GALNT17: variants seen among roughly 807,000 people sequenced by gnomAD.
GALNT17 encodes the protein polypeptide N-acetylgalactosaminyltransferase 17.
GALNT17 carries 29 observed loss-of-function variants against 63.7 expected under a neutral mutation model. The ratio of observed to expected loss-of-function variants is 0.46; its 90% CI spans 0.34 to 0.62. GALNT17 has a LOEUF of 0.62. Among genes scored for constraint, GALNT17 ranks in the 20% least tolerant of loss-of-function variants. The pLI is 0.01. For missense variants in GALNT17, 603 were observed against 799.6 expected (o/e 0.75, Z 2.97); for synonymous variants, 305 against 318.3 (o/e 0.96, Z 0.45).
chr7:71,348,686 G>T (rs1356325295), intron 2 of GALNT17, among the ~76,000 whole-genome samples: 1 of 152,216 alleles, frequency 6.6e-6, no homozygotes, highest in South Asian at 2.1e-4. Context: ...GAGATTTACA[G>T]TACTGGCTGT....
chr7:71,358,178 G>A (rs890236797), intron 2 of GALNT17, among the ~76,000 whole-genome samples: 1 of 152,120 alleles, frequency 6.6e-6, no homozygotes, highest in Non-Finnish European at 1.5e-5. Flanking sequence ...TGAAGTCAGC[G>A]AGACCACGAG....
At chr7:71,253,669 CAAAT>C (rs1399096901) in intron 1 of GALNT17, among the ~76,000 whole-genome samples, 3 of 152,074 alleles carry the variant, frequency 2.0e-5, no homozygotes, top group Non-Finnish European at 2.9e-5. Context: ...AAACCTTGGC[CAAAT>C]AAATCTCTAA....
chr7:71,499,795 A>T (rs1216217908), intron 5 of GALNT17, among the ~76,000 whole-genome samples: 1 of 152,142 alleles, frequency 6.6e-6, no homozygotes, highest in Non-Finnish European at 1.5e-5. Context: ...TCCCCCCACA[A>T]ATCTCATCTT....
chr7:71,160,578 C>T (rs1788323774), intron 1 of GALNT17, among the ~76,000 whole-genome samples: 1 of 152,150 alleles, frequency 6.6e-6, no homozygotes, highest in Non-Finnish European at 1.5e-5. Context: ...CCTGCCTCAG[C>T]CTCCCAAGTA....
intron 6 of GALNT17, among the ~76,000 whole-genome samples, chr7:71,606,760 G>A (rs1407755299): frequency 1.3e-5 from 2 of 152,130 alleles, no homozygotes; most frequent in African/African-American, 2.4e-5. Flanking sequence ...CATATGTGCT[G>A]GCAGGTATTC....
intron 5 of GALNT17, among the ~76,000 whole-genome samples, chr7:71,549,157 G>A (rs555053023): frequency 9.2e-5 from 14 of 152,246 alleles, no homozygotes; most frequent in African/African-American, 2.6e-4. Flanking sequence ...GAGCAGAGTC[G>A]CCAGTCTTTC....
At chr7:71,465,412 C>T (rs1477809880) in intron 5 of GALNT17, among the ~76,000 whole-genome samples, 1 of 152,182 alleles carries the variant, frequency 6.6e-6, no homozygotes, top group Non-Finnish European at 1.5e-5. Context: ...CTAAGCTCCC[C>T]TCCACTGTTA....
At chr7:71,666,554 C>G (rs1016813966) in intron 7 of GALNT17, among the ~76,000 whole-genome samples, 1 of 151,794 alleles carries the variant, frequency 6.6e-6, no homozygotes, top group Non-Finnish European at 1.5e-5. Context: ...CCCTCGCCCC[C>G]CTCCCACTCT....
intron 1 of GALNT17, among the ~76,000 whole-genome samples, chr7:71,317,895 A>T (rs1160752483): frequency 1.3e-5 from 2 of 151,998 alleles, no homozygotes; most frequent in Non-Finnish European, 2.9e-5. Flanking sequence ...GTGATGCTGT[A>T]GTGCTTTGAG....
intron 2 of GALNT17, among the ~76,000 whole-genome samples, chr7:71,384,856 A>G (rs988232655): frequency 4.6e-5 from 7 of 152,122 alleles, no homozygotes; most frequent in Non-Finnish European, 8.8e-5. Flanking sequence ...AGTGAGATCT[A>G]TCCATTCAGA....
At position 71,687,557 on chromosome 7, in the gene GALNT17, A is replaced by G. The variant is rs146327251; in HGVS notation, c.1500+10251A>G. On this transcript the variant is annotated intron_variant, in intron 9 of 10. Coordinates refer to ENST00000333538, the MANE Select transcript of GALNT17 (RefSeq NM_022479.3). ...AAAAGATGGCTTTGGTCCAGAAAACAGGCCTGAGGTTCTGGGAATATGCCT... is the reference window on the plus strand; with the variant it reads ...AAAAGATGGCTTTGGTCCAGAAAACGGGCCTGAGGTTCTGGGAATATGCCT... Among the ~76,000 whole-genome samples, 1,093 of 152,286 alleles carry G rather than the reference A, an allele frequency of 7.2e-3. 10 individuals carry two copies. The highest frequency in any genetic ancestry group is 0.025 in the African/African-American group (1,019 of 41,572).
At chr7:71,657,070 C>T (rs1790839718) in intron 6 of GALNT17, among the ~76,000 whole-genome samples, 1 of 152,146 alleles carries the variant, frequency 6.6e-6, no homozygotes, top group Admixed American at 6.5e-5. Context: ...ATGATCCTTC[C>T]TGCTGCTTTT....
At chr7:71,338,137 C>G (rs1390941481) in intron 2 of GALNT17, among the ~76,000 whole-genome samples, 1 of 151,600 alleles carries the variant, frequency 6.6e-6, no homozygotes, top group Non-Finnish European at 1.5e-5. Context: ...ACCATTCTGG[C>G]TAAGATGGTA....
chr7:71,692,488 C>T (rs2117096408), intron 9 of GALNT17, among the ~76,000 whole-genome samples: 1 of 152,220 alleles, frequency 6.6e-6, no homozygotes, highest in East Asian at 1.9e-4. Context: ...TTACTCTTTA[C>T]TCTTTAGCTA....
At chr7:71,198,424 G>A (rs1789098656) in intron 1 of GALNT17, among the ~76,000 whole-genome samples, 1 of 152,118 alleles carries the variant, frequency 6.6e-6, no homozygotes, top group South Asian at 2.1e-4. Context: ...ATTGAGTTAT[G>A]TTCCATGCTC....
chr7:71,164,315 C>T (rs775475968), intron 1 of GALNT17, among the ~76,000 whole-genome samples: 5 of 152,112 alleles, frequency 3.3e-5, no homozygotes, highest in African/African-American at 1.2e-4. Flanking sequence ...AAGCAAGGCA[C>T]GTCTTACATG....
intron 6 of GALNT17, among the ~76,000 whole-genome samples, chr7:71,622,549 A>T (rs942368421): frequency 1.7e-4 from 26 of 151,258 alleles, no homozygotes; most frequent in African/African-American, 6.1e-4. Flanking sequence ...ACTGTCTTGG[A>T]CTCCTACCTT....
intron 1 of GALNT17, among the ~76,000 whole-genome samples, chr7:71,208,950 G>T (rs556063161): frequency 1.3e-5 from 2 of 152,212 alleles, no homozygotes; most frequent in East Asian, 3.9e-4. Context: ...TTAGGGGTTG[G>T]CAGACTTCTC....
chr7:71,478,943 T>G (rs188433076), intron 5 of GALNT17, among the ~76,000 whole-genome samples: 1 of 152,336 alleles, frequency 6.6e-6, no homozygotes, highest in Admixed American at 6.5e-5. Flanking sequence ...CTAGCTCAAT[T>G]TGGTTCTGGA....
Sources: gnomAD v4.1 joint callset for allele counts (sites outside exome capture counted in the v4.1 genomes callset) on GRCh38, gnomAD v4.1.1 for gene constraint, MANE v1.5 for transcripts, NCBI Gene and HGNC (gene_info 2026-07-23, HGNC 2026-07-21) for gene names.